STPG2: variants seen among roughly 807,000 people sequenced by gnomAD.
STPG2 encodes the protein sperm-tail PG-rich repeat-containing protein 2.
In STPG2, 56 loss-of-function variants were observed where a neutral mutation model predicts 54.2. The ratio of observed to expected loss-of-function variants is 1.03; its 90% CI spans 0.83 to 1.29. The LOEUF is 1.29. Among genes scored for constraint, STPG2 ranks in the 50% most tolerant of loss-of-function variants. STPG2 has a pLI of 0.00. For missense variants in STPG2, 596 were observed against 544.9 expected (o/e 1.09, Z -0.93); for synonymous variants, 200 against 181.8 (o/e 1.10, Z -0.81).
chr4:97,582,256 A>C (rs1732881071), intron 10 of STPG2, among the ~76,000 whole-genome samples: 1 of 152,006 alleles, frequency 6.6e-6, no homozygotes, highest in African/African-American at 2.4e-5. Context: ...GCATACACCT[A>C]ATCAGTGTAT....
At position 98,043,185 on chromosome 4, in the gene STPG2, C is replaced by A. The variant is rs79235219; in HGVS notation, c.613-61867G>T. On this transcript the variant is annotated intron_variant, in intron 5 of 10. Coordinates refer to ENST00000295268, the MANE Select transcript of STPG2 (RefSeq NM_174952.3). ...TTCATTTACAATTTGCATGGAATATCCTTTTCCATCTTTTCACTTTTAGCA... is the reference window on the plus strand; with the variant it reads ...TTCATTTACAATTTGCATGGAATATACTTTTCCATCTTTTCACTTTTAGCA... Among the ~76,000 whole-genome samples the A allele has an allele frequency of 1.8e-3, 276 of 152,114 alleles. 5 individuals carry two copies. Among genetic ancestry groups the A allele is most frequent in the South Asian group, 3.9e-3 (19 of 4,824 alleles).
intron 5 of STPG2, among the ~76,000 whole-genome samples, chr4:98,079,688 G>C (rs11722272): frequency 1.3e-5 from 2 of 151,502 alleles, no homozygotes; most frequent in African/African-American, 4.9e-5. Context: ...CCACTGACTG[G>C]CCCACAAGAT....
intron 4 of STPG2, among the ~76,000 whole-genome samples, chr4:97,480,426 A>G (rs1311352839): frequency 6.6e-6 from 1 of 151,666 alleles, no homozygotes; most frequent in Admixed American, 6.6e-5. Flanking sequence ...ACTCTTCAGA[A>G]AAGTGAAGGA....
intron 4 of STPG2, among the ~76,000 whole-genome samples, chr4:97,485,497 T>A (rs1404093126): frequency 6.6e-6 from 1 of 151,450 alleles, no homozygotes; most frequent in Non-Finnish European, 1.5e-5. Context: ...TATACTTAAC[T>A]AAGGAGGCAA....
chr4:98,037,132 A>G (rs759606301), intron 5 of STPG2, among the ~76,000 whole-genome samples: 3 of 152,038 alleles, frequency 2.0e-5, no homozygotes, highest in Non-Finnish European at 4.4e-5. Context: ...AAATTTCCCT[A>G]TTTGTGCTAA....
chr4:97,691,951 C>T (rs1245050272), intron 10 of STPG2, among the ~76,000 whole-genome samples: 2 of 152,096 alleles, frequency 1.3e-5, no homozygotes, highest in East Asian at 3.9e-4. Flanking sequence ...ATAACATGCT[C>T]TCAGAAAGCC....
chr4:97,672,081 A>G (rs1489343129), intron 10 of STPG2, among the ~76,000 whole-genome samples: 1 of 152,092 alleles, frequency 6.6e-6, no homozygotes, highest in Non-Finnish European at 1.5e-5. Context: ...GTCACAAAAA[A>G]AATTAAACAG....
chr4:97,753,940 G>T (rs1289901382), intron 9 of STPG2, among the ~76,000 whole-genome samples: 1 of 151,774 alleles, frequency 6.6e-6, no homozygotes, highest in African/African-American at 2.4e-5. Context: ...TATATGATTT[G>T]CAAATATTTT....
At chr4:97,912,896 A>G (rs1438267859) in intron 8 of STPG2, among the ~76,000 whole-genome samples, 1 of 152,200 alleles carries the variant, frequency 6.6e-6, no homozygotes, top group Non-Finnish European at 1.5e-5. Flanking sequence ...CCTACCATAA[A>G]ATGGAGACAT....
At chr4:97,517,338 T>C (rs1384819395) in intron 4 of STPG2, among the ~76,000 whole-genome samples, 1 of 152,084 alleles carries the variant, frequency 6.6e-6, no homozygotes, top group Non-Finnish European at 1.5e-5. Context: ...AGCAAGACCC[T>C]GTATCAAAAA....
chr4:97,973,606 C>A (rs1433397003), intron 6 of STPG2, among the ~76,000 whole-genome samples: 1 of 152,190 alleles, frequency 6.6e-6, no homozygotes, highest in Non-Finnish European at 1.5e-5. Context: ...GCAGCCCCTC[C>A]CATCACAGGC....
chr4:97,484,940 C>T (rs554162378), intron 4 of STPG2, among the ~76,000 whole-genome samples: 1 of 151,926 alleles, frequency 6.6e-6, no homozygotes, highest in South Asian at 2.1e-4. Flanking sequence ...ACCACATAAA[C>T]AGAATTAAAA....
intron 9 of STPG2, among the ~76,000 whole-genome samples, chr4:97,739,029 C>T (rs1725124387): frequency 6.6e-6 from 1 of 151,722 alleles, no homozygotes; most frequent in Non-Finnish European, 1.5e-5. Flanking sequence ...GACCACAGTG[C>T]AATCAAACTA....
intron 9 of STPG2, among the ~76,000 whole-genome samples, chr4:97,772,258 G>T (rs1466327975): frequency 6.6e-6 from 1 of 152,160 alleles, no homozygotes; most frequent in African/African-American, 2.4e-5. Context: ...AAGCATTCTA[G>T]AAATAACTTT....
At chr4:98,000,455 T>A (rs1364292457) in intron 5 of STPG2, among the ~76,000 whole-genome samples, 1 of 134,360 alleles carries the variant, frequency 7.4e-6, no homozygotes, top group Non-Finnish European at 1.6e-5. Context: ...TACAGTTAAC[T>A]CTTTAAGTGA....
intron 4 of STPG2, among the ~76,000 whole-genome samples, chr4:97,486,845 A>ATATATATATATATATACATATATG (rs758834350): frequency 1.5e-5 from 2 of 137,078 alleles, no homozygotes; most frequent in South Asian, 2.3e-4. Flanking sequence ...ATATATATAT[A>ATATATATATATATATACATATATG]TATGTATGTA....
At chr4:97,941,692 G>T (rs1373352480) in intron 8 of STPG2, among the ~76,000 whole-genome samples, 1 of 151,826 alleles carries the variant, frequency 6.6e-6, no homozygotes, top group Non-Finnish European at 1.5e-5. Context: ...AAATACCTGG[G>T]AGGTAAATTT....
chr4:97,652,590 C>T (rs912849378), intron 10 of STPG2, among the ~76,000 whole-genome samples: 6 of 151,846 alleles, frequency 4.0e-5, no homozygotes, highest in African/African-American at 1.4e-4. Context: ...TTTCCTACCT[C>T]ATTCTTAGCA....
intron 10 of STPG2, among the ~76,000 whole-genome samples, chr4:97,610,834 T>G (rs935218842): frequency 3.3e-5 from 5 of 151,980 alleles, no homozygotes; most frequent in African/African-American, 4.8e-5. Context: ...AACATGCCAG[T>G]TATAATATAA....
Sources: gnomAD v4.1 joint callset for allele counts (sites outside exome capture counted in the v4.1 genomes callset) on GRCh38, gnomAD v4.1.1 for gene constraint, MANE v1.5 for transcripts, NCBI Gene and HGNC (gene_info 2026-07-23, HGNC 2026-07-21) for gene names.